The following ZMIZ1 variants were observed in gnomAD, a reference collection of about 807,000 sequenced individuals.
ZMIZ1 encodes the protein zinc finger MIZ domain-containing protein 1.
ZMIZ1 carries 17 observed loss-of-function variants against 113.9 expected under a neutral mutation model. The observed-to-expected ratio is 0.15, with a 90% CI of 0.10 to 0.22. ZMIZ1 has a LOEUF of 0.22. Ranked by LOEUF, ZMIZ1 falls within the 10% of genes least tolerant of loss-of-function variation. The pLI, the probability that ZMIZ1 is intolerant of heterozygous loss-of-function variation, is 1.00. For synonymous variants in ZMIZ1, 607 were observed against 603.1 expected, an observed-to-expected ratio of 1.01 and a Z score of -0.09; for missense variants, 1,059 against 1,477.8, an observed-to-expected ratio of 0.72 and a Z score of 4.65.
intron 1 of ZMIZ1, among the ~76,000 whole-genome samples, chr10:79,092,391 T>C (rs1185547393): frequency 6.6e-6 from 1 of 152,214 alleles, no homozygotes; most frequent in Non-Finnish European, 1.5e-5. Context: ...CATGTGATCT[T>C]GGGTCAGTCA....
rs1479252064 is a variant in ZMIZ1, at chr10:79,246,486, C to T, written c.280+30212C>T. Among the ~76,000 whole-genome samples the T allele has an allele frequency of 3.9e-5, 6 of 152,324 alleles. No homozygotes were observed. In the East Asian group the frequency reaches 5.8e-4, roughly 15 times the overall value. On this transcript the variant is annotated intron_variant, in intron 7 of 24. Transcript: ENST00000334512. ...TGGGTCCCTCGGGAGAGGCTGGCTCCTCCATGGGGAAGGAACTCCTCAGTG... is the reference window on the plus strand; with the variant it reads ...TGGGTCCCTCGGGAGAGGCTGGCTCTTCCATGGGGAAGGAACTCCTCAGTG...
At chr10:79,099,266 G>A (rs536585740) in intron 1 of ZMIZ1, among the ~76,000 whole-genome samples, 14 of 152,210 alleles carry the variant, frequency 9.2e-5, no homozygotes, top group African/African-American at 3.4e-4. Context: ...CGGTGTGCTG[G>A]TGCTGGATAC....
At chr10:79,205,066 TA>T (rs1292021728) in intron 5 of ZMIZ1, among the ~76,000 whole-genome samples, 2 of 152,184 alleles carry the variant, frequency 1.3e-5, no homozygotes, top group African/African-American at 4.8e-5. Context: ...GATGGATTGA[TA>T]AGATGAATTC....
At chr10:79,173,427 G>A (rs565031041) in intron 4 of ZMIZ1, among the ~76,000 whole-genome samples, 140 of 152,292 alleles carry the variant, frequency 9.2e-4, no homozygotes, top group Non-Finnish European at 1.7e-3. Flanking sequence ...AGCAGATTAG[G>A]ACCAAAGGGT....
chr10:79,212,061 G>A (rs2132696878), intron 6 of ZMIZ1, among the ~76,000 whole-genome samples: 1 of 152,274 alleles, frequency 6.6e-6, no homozygotes, highest in African/African-American at 2.4e-5. Flanking sequence ...TGACCAGCAG[G>A]CTGGACGCTT....
At chr10:79,088,318 C>A (rs1842877508) in intron 1 of ZMIZ1, among the ~76,000 whole-genome samples, 1 of 152,084 alleles carries the variant, frequency 6.6e-6, no homozygotes, top group African/African-American at 2.4e-5. Context: ...GGCCACAAGG[C>A]TTCTTGGGCA....
chr10:79,302,703 T>C (rs1253446311), intron 18 of ZMIZ1, among the ~76,000 whole-genome samples: 1 of 135,962 alleles, frequency 7.4e-6, no homozygotes, highest in East Asian at 2.2e-4. Context: ...TTTTTTTTTT[T>C]TTGAGAGAGA....
At chr10:79,197,036 C>T (rs145256933) in intron 4 of ZMIZ1, among the ~76,000 whole-genome samples, 9 of 152,348 alleles carry the variant, frequency 5.9e-5, no homozygotes, top group Admixed American at 4.6e-4. Flanking sequence ...TTGTCAACAG[C>T]GCCCCCTGCT....
chr10:79,255,570 C>T (rs1249974929), intron 7 of ZMIZ1, among the ~76,000 whole-genome samples: 1 of 152,136 alleles, frequency 6.6e-6, no homozygotes, highest in African/African-American at 2.4e-5. Context: ...CCGCTCCCCT[C>T]TTATTTCTCT....
At chr10:79,103,441 T>G (rs1589274345) in intron 1 of ZMIZ1, among the ~76,000 whole-genome samples, 4 of 148,694 alleles carry the variant, frequency 2.7e-5, no homozygotes, top group East Asian at 2.0e-4. Flanking sequence ...GCGGGGAGGG[T>G]GAACGGTGGA....
intron 1 of ZMIZ1, among the ~76,000 whole-genome samples, chr10:79,074,014 C>T (rs970449673): frequency 1.3e-5 from 2 of 152,192 alleles, no homozygotes; most frequent in Admixed American, 6.5e-5. Context: ...AGCTGGCTGC[C>T]TGCCACGGGC....
chr10:79,111,393 AG>A (rs2132294886), intron 1 of ZMIZ1, among the ~76,000 whole-genome samples: 1 of 152,352 alleles, frequency 6.6e-6, no homozygotes, highest in East Asian at 1.9e-4. Flanking sequence ...GAAGGACAGA[AG>A]TGTGTGGGCA....
chr10:79,103,163 T>C (rs1197783562), intron 1 of ZMIZ1, among the ~76,000 whole-genome samples: 1 of 151,726 alleles, frequency 6.6e-6, no homozygotes, highest in Non-Finnish European at 1.5e-5. Flanking sequence ...GAGGAGGTGG[T>C]GAGCGGGAAC....
At chr10:79,215,162 G>A (rs553108875) in intron 6 of ZMIZ1, among the ~76,000 whole-genome samples, 29 of 152,296 alleles carry the variant, frequency 1.9e-4, no homozygotes, top group South Asian at 4.1e-4. Flanking sequence ...GGAGTCCTGC[G>A]GTTTCTAGCT....
chr10:79,186,330 C>T (rs1343078218), intron 4 of ZMIZ1, among the ~76,000 whole-genome samples: 1 of 152,228 alleles, frequency 6.6e-6, no homozygotes, highest in Non-Finnish European at 1.5e-5. Context: ...CTCTTCCTGT[C>T]CTTGCACTTC....
intron 7 of ZMIZ1, among the ~76,000 whole-genome samples, chr10:79,240,995 C>T (rs1253799531): frequency 1.3e-5 from 2 of 152,080 alleles, no homozygotes; most frequent in South Asian, 2.1e-4. Flanking sequence ...CCCAAACATG[C>T]GGGTCTTTGG....
At chr10:79,199,503 CT>C (rs1475618972) in intron 4 of ZMIZ1, among the ~76,000 whole-genome samples, 1 of 150,270 alleles carries the variant, frequency 6.7e-6, no homozygotes, top group Non-Finnish European at 1.5e-5. Context: ...GAAACTCCAT[CT>C]CAAAAAAAAA....
intron 1 of ZMIZ1, among the ~76,000 whole-genome samples, chr10:79,112,133 TTGGCAGTGGGACGTGC>T (rs1315202686): frequency 2.0e-5 from 3 of 152,136 alleles, no homozygotes; most frequent in Non-Finnish European, 4.4e-5. Flanking sequence ...ACTTGAAGAT[TTGGCAGTGGGACGTGC>T]TGGCAGTGGG....
intron 7 of ZMIZ1, among the ~76,000 whole-genome samples, chr10:79,252,258 G>T (rs145586059): frequency 2.0e-5 from 3 of 152,014 alleles, no homozygotes; most frequent in African/African-American, 4.8e-5. Context: ...AGGCCTACCA[G>T]GGGCCCATAA....
Sources: allele counts gnomAD v4.1 joint callset (sites outside exome capture counted in the v4.1 genomes callset), GRCh38; gene constraint gnomAD v4.1.1; transcripts MANE v1.5; gene names NCBI Gene and HGNC (gene_info 2026-07-23, HGNC 2026-07-21).